Variants in STAM observed in about 807,000 individuals in gnomAD.
STAM encodes the protein signal transducing adaptor molecule, also known as signal transducing adapter molecule 1.
In STAM, 16 loss-of-function variants were observed where a neutral mutation model predicts 63.4. The observed-to-expected ratio is 0.25, with a 90% confidence interval of 0.17 to 0.38. STAM has a LOEUF of 0.38. STAM is among the 10% of genes least tolerant of loss of function. The pLI, the probability that STAM is intolerant of heterozygous loss-of-function variation, is 1.00. For missense variants in STAM, 636 were observed against 657.1 expected (o/e 0.97, Z 0.35); for synonymous variants, 238 against 223.9 (o/e 1.06, Z -0.56).
At chr10:17,685,391 C>T (rs1327877589) in intron 4 of STAM, among the ~76,000 whole-genome samples, 1 of 152,130 alleles carries the variant, frequency 6.6e-6, no homozygotes, top group East Asian at 1.9e-4. Context: ...GAACCCACAG[C>T]TGGAGTTGCC....
intron 8 of STAM, among the ~76,000 whole-genome samples, chr10:17,698,998 A>G (rs1473147388): frequency 6.6e-6 from 1 of 152,148 alleles, no homozygotes; most frequent in Non-Finnish European, 1.5e-5. Context: ...TATATTTCTT[A>G]GGTTGGAAAT....
chr10:17,695,201 A>G lies in STAM; in HGVS notation c.688A>G (p.Thr230Ala). 6.2e-7 allele frequency: 1 copy of G among 1,613,904 alleles called. No homozygotes were observed. The highest frequency in any genetic ancestry group is 8.5e-7 in the Non-Finnish European group (1 of 1,179,900). The change falls in exon 7 of 14, where the codon ACT (threonine) becomes GCT (alanine). Residue 230 changes from threonine to alanine, a missense_variant. Thr to Ala is a moderately conservative substitution (Grantham distance 58). Transcript: ENST00000377524. The part of the protein sequence containing the change: ...DFEAAEDNEL[T>A]FKAGEIITVL... ...TGAAGCTGCTGAAGACAATGAACTT[A>G]CTTTTAAAGCTGGAGAAATTATTAC...
At chr10:17,658,376 G>T (rs1256305067) in intron 1 of STAM, among the ~76,000 whole-genome samples, 3 of 152,110 alleles carry the variant, frequency 2.0e-5, no homozygotes, top group Admixed American at 6.5e-5. Context: ...GGTGAATGCT[G>T]CATGAGAGCT....
intron 4 of STAM, among the ~76,000 whole-genome samples, chr10:17,687,441 A>T (rs1026931602): frequency 6.6e-6 from 1 of 152,128 alleles, no homozygotes; most frequent in Non-Finnish European, 1.5e-5. Context: ...GTGTGCTGAG[A>T]TCGAGCCACT....
Position 17,696,815 on chromosome 10 carries a change from G to C in STAM, c.769G>C (p.Gly257Arg). Residue 257 changes from glycine to arginine, a missense_variant, in exon 8 of 14, where the codon GGG (glycine) becomes CGG (arginine). Around this residue, in one of 3 missense-constraint regions of STAM, gnomAD observed 532 missense variants for 536.9 expected, o/e 0.99. Coordinates refer to ENST00000377524, the MANE Select transcript of STAM (RefSeq NM_003473.4). Reference sequence around the variant, plus strand: ...GAAAGGTGAAACCCATCAAGGCATAGGGTTATTTCCTTCTAATTTTGTGAC... The same window carrying C: ...GAAAGGTGAAACCCATCAAGGCATACGGTTATTTCCTTCTAATTTTGTGAC... ...WWKGETHQGIGLFPSNFVTAD... is the reference protein window; with the variant it reads ...WWKGETHQGIRLFPSNFVTAD... 6.2e-7 allele frequency: 1 copy of C among 1,614,144 alleles called. No individual in the cohort carries two copies. The highest frequency in any genetic ancestry group is 8.5e-7 in the Non-Finnish European group (1 of 1,179,984).
At chr10:17,646,494 T>TTATACTCC (rs1273702049) in intron 1 of STAM, among the ~76,000 whole-genome samples, 1 of 152,228 alleles carries the variant, frequency 6.6e-6, no homozygotes, top group Non-Finnish European at 1.5e-5. Flanking sequence ...CAAGATAGTT[T>TTATACTCC]TATACTCCTT....
intron 9 of STAM, among the ~76,000 whole-genome samples, chr10:17,702,815 C>T (rs1017498295): frequency 1.3e-5 from 2 of 152,002 alleles, no homozygotes; most frequent in Non-Finnish European, 1.5e-5. Context: ...TGAGACCATC[C>T]TGGCCAACAT....
At position 17,701,765 on chromosome 10, in the gene STAM, G is replaced by A. The variant is rs186109023; in HGVS notation, c.912+1486G>A. On this transcript the variant is annotated intron_variant, in intron 9 of 13. Coordinates refer to ENST00000377524, the MANE Select transcript of STAM (RefSeq NM_003473.4). Reference sequence around the variant, plus strand: ...TTCAATTCTTCTCTCCAACTTTACGGAAGAAAGGCTTACCGCTTGCCCGTA... The same window carrying A: ...TTCAATTCTTCTCTCCAACTTTACGAAAGAAAGGCTTACCGCTTGCCCGTA... 4.6e-5 allele frequency among the ~76,000 whole-genome samples: 7 copies of A among 152,110 alleles called. No individual in the cohort carries two copies. In the East Asian group the frequency reaches 1.4e-3, roughly 29 times the overall value.
intron 2 of STAM, among the ~76,000 whole-genome samples, chr10:17,662,435 C>T (rs1004360127): frequency 7.9e-5 from 12 of 152,148 alleles, no homozygotes; most frequent in African/African-American, 2.7e-4. Context: ...TGGTATGATC[C>T]TCTGAATCCT....
At chr10:17,662,429 A>G (rs1178902677) in intron 2 of STAM, among the ~76,000 whole-genome samples, 1 of 152,176 alleles carries the variant, frequency 6.6e-6, no homozygotes, top group East Asian at 1.9e-4. Context: ...TGACAATGGT[A>G]TGATCCTCTG....
chr10:17,700,311 A>G (rs1554828212), intron 9 of STAM, 32 bp downstream of exon 9: 1 of 1,490,540 alleles, frequency 6.7e-7, no homozygotes, highest in Admixed American at 2.1e-5. Context: ...AGGAGTTGGT[A>G]CTTTGTATTG....
At chr10:17,681,005 G>A (rs1259568593) in intron 2 of STAM, among the ~76,000 whole-genome samples, 1 of 152,232 alleles carries the variant, frequency 6.6e-6, no homozygotes, top group East Asian at 1.9e-4. Context: ...AATTGCTGGA[G>A]CATATGGTAA....
chr10:17,714,275 G>T (rs960823284), intron 13 of STAM, among the ~76,000 whole-genome samples: 2 of 152,048 alleles, frequency 1.3e-5, no homozygotes, highest in South Asian at 2.1e-4. Flanking sequence ...CACTAGAACA[G>T]ACGCTCCATG....
intron 13 of STAM, among the ~76,000 whole-genome samples, chr10:17,714,303 C>A (rs1179511639): frequency 6.7e-6 from 1 of 150,040 alleles, no homozygotes; most frequent in East Asian, 1.9e-4. Context: ...AGACTTATTT[C>A]CGCAAACCAC....
At chr10:17,656,552 T>C (rs1463604211) in intron 1 of STAM, among the ~76,000 whole-genome samples, 1 of 152,212 alleles carries the variant, frequency 6.6e-6, no homozygotes. Flanking sequence ...TTCTGATTTC[T>C]TGGAGGGTAA....
At chr10:17,679,362 T>C (rs2131620138) in intron 2 of STAM, among the ~76,000 whole-genome samples, 1 of 152,326 alleles carries the variant, frequency 6.6e-6, no homozygotes. Context: ...TTGTGTATCT[T>C]ACTTGGAGAA....
At chr10:17,660,754 C>T (rs1554822803) in intron 2 of STAM, among the ~76,000 whole-genome samples, 1 of 151,668 alleles carries the variant, frequency 6.6e-6, no homozygotes, top group Non-Finnish European at 1.5e-5. Context: ...ATAGTGAGAC[C>T]CCGTCTCTTA....
rs375855378 is a variant in STAM, at chr10:17,661,144, C to T, written c.125+596C>T. Reference sequence around the variant, plus strand: ...ATCTTAAACTTTTTGGCATGTATTACAGAGCTTTCCAAACAGTACAGTAAT... The same window carrying T: ...ATCTTAAACTTTTTGGCATGTATTATAGAGCTTTCCAAACAGTACAGTAAT... On this transcript the variant is annotated intron_variant, in intron 2 of 13. Coordinates refer to ENST00000377524, the MANE Select transcript of STAM (RefSeq NM_003473.4). 8.5e-5 allele frequency among the ~76,000 whole-genome samples: 13 copies of T among 152,318 alleles called. No individual in the cohort carries two copies. The East Asian group carries it at 2.3e-3, about 27-fold the overall frequency.
chr10:17,695,092 C>T lies in STAM; in HGVS notation c.579C>T (p.Thr193=). 6.2e-7 allele frequency: 1 copy of T among 1,613,986 alleles called. No individual in the cohort carries two copies. The highest frequency in any genetic ancestry group is 8.5e-7 in the Non-Finnish European group (1 of 1,179,928). ...AGGAACAAAGGCAGCAGTCAACCAC[C>T]CTTTCCACTTTGTATCCAAGCACAT... ...SLKEQRQQST[T]LSTLYPSTSS... is the part of the protein sequence containing the mutation. Residue 193 remains threonine (T), a synonymous_variant, in exon 7 of 14, where the codon ACC becomes ACT. Transcript: ENST00000377524.
Sources: allele counts gnomAD v4.1 joint callset (sites outside exome capture counted in the v4.1 genomes callset), GRCh38; gene constraint gnomAD v4.1.1; regional missense constraint gnomAD v4.1.1; transcripts MANE v1.5; gene names NCBI Gene and HGNC (gene_info 2026-07-23, HGNC 2026-07-21).